Variants in HADHB observed in about 807,000 individuals in gnomAD.
HADHB encodes hydroxyacyl-CoA dehydrogenase trifunctional multienzyme complex subunit beta.
In HADHB, 50 loss-of-function variants were observed where a neutral mutation model predicts 61.9. The observed-to-expected ratio is 0.81, with a 90% CI of 0.64 to 1.02. The LOEUF is 1.02. HADHB is among the 50% of genes least tolerant of loss of function. The pLI is 0.00. For missense variants in HADHB, 504 were observed against 586.5 expected (o/e 0.86, Z 1.45); for synonymous variants, 191 against 201.6 (o/e 0.95, Z 0.45).
intron 4 of HADHB, among the ~76,000 whole-genome samples, chr2:26,267,742 A>G (rs1427650327): frequency 6.7e-6 from 1 of 150,230 alleles, no homozygotes; most frequent in African/African-American, 2.4e-5. Context: ...ACTGCACTCC[A>G]GCCTGGGCAA....
chr2:26,265,758 A>C (rs1362337988), intron 4 of HADHB, among the ~76,000 whole-genome samples: 1 of 152,218 alleles, frequency 6.6e-6, no homozygotes, highest in East Asian at 1.9e-4. Flanking sequence ...ATTGTGTTTT[A>C]GTTTAATTCA....
chr2:26,288,598 A>C (rs975118596), intron 15 of HADHB, among the ~76,000 whole-genome samples: 2 of 150,808 alleles, frequency 1.3e-5, no homozygotes, highest in African/African-American at 4.9e-5. Context: ...AGTCCCAGCT[A>C]CTCGGGAGGC....
At chr2:26,268,867 C>T (rs1004701710) in intron 4 of HADHB, among the ~76,000 whole-genome samples, 8 of 152,120 alleles carry the variant, frequency 5.3e-5, no homozygotes, top group Admixed American at 2.0e-4. Context: ...CAGGGGAAGG[C>T]TGGGCGCGGT....
chr2:26,282,042 C>T (rs1672812012), intron 10 of HADHB, among the ~76,000 whole-genome samples: 1 of 151,684 alleles, frequency 6.6e-6, no homozygotes, highest in Non-Finnish European at 1.5e-5. Context: ...GTTCTAATGT[C>T]CTCAGCTGGT....
In HADHB at chr2:26,266,610, T is replaced by A. The variant is rs1394269900; in HGVS notation, c.209+3131T>A. Among the ~76,000 whole-genome samples, 4 of 152,026 alleles carry A rather than the reference T, an allele frequency of 2.6e-5. No homozygotes were observed. The East Asian group carries it at 7.8e-4, about 30-fold the overall frequency. On this transcript the variant is annotated intron_variant, in intron 4 of 15. Transcript: ENST00000317799. ...TAAATGATAAGTTGGCTGGGCGCAG[T>A]GGCTCACGTCTGTAATCCCAGCACT...
chr2:26,268,172 A>C (rs988182225), intron 4 of HADHB, among the ~76,000 whole-genome samples: 1 of 152,148 alleles, frequency 6.6e-6, no homozygotes, highest in Non-Finnish European at 1.5e-5. Flanking sequence ...GAATGAGAAA[A>C]ATAACCATTA....
intron 4 of HADHB, among the ~76,000 whole-genome samples, chr2:26,268,119 G>A (rs1035220701): frequency 1.3e-5 from 2 of 152,146 alleles, no homozygotes; most frequent in African/African-American, 4.8e-5. Flanking sequence ...TCCAGTCTGA[G>A]TGACAGAGTG....
intron 6 of HADHB, 72 bp from the exon 7 acceptor site, chr2:26,277,001 T>C (rs1055397220): frequency 3.7e-6 from 3 of 803,494 alleles, no homozygotes; most frequent in Non-Finnish European, 6.8e-6. Flanking sequence ...CTATGAAGAT[T>C]AGTGCTCAAA....
At chr2:26,271,325 TG>T (rs1476524319) in intron 5 of HADHB, among the ~76,000 whole-genome samples, 1 of 151,520 alleles carries the variant, frequency 6.6e-6, no homozygotes. Flanking sequence ...CTGACCAACA[TG>T]GAGAAACCCC....
intron 1 of HADHB, among the ~76,000 whole-genome samples, chr2:26,245,920 A>G (rs950663871): frequency 6.6e-6 from 1 of 152,232 alleles, no homozygotes; most frequent in African/African-American, 2.4e-5. Context: ...CCTAGCATTC[A>G]GACATAAGTC....
chr2:26,253,225 AT>A (rs1373776408), intron 1 of HADHB, among the ~76,000 whole-genome samples: 2 of 152,088 alleles, frequency 1.3e-5, no homozygotes, highest in South Asian at 4.1e-4. Flanking sequence ...TATTTTACAT[AT>A]TTTTTAACAT....
chr2:26,275,197 A>G (rs1355298395), intron 6 of HADHB, among the ~76,000 whole-genome samples: 1 of 151,932 alleles, frequency 6.6e-6, no homozygotes, highest in East Asian at 2.0e-4. Context: ...AGAATTTCTT[A>G]GGCCCTATTG....
At position 26,263,394 on chromosome 2, in the gene HADHB, A is replaced by T. The variant is rs1191272205; in HGVS notation, c.124A>T (p.Thr42Ser). 17 of 1,609,276 alleles carry T rather than the reference A, an allele frequency of 1.1e-5. No homozygotes were observed. The South Asian group carries it at 1.8e-4, about 17-fold the overall frequency. The change falls in exon 4 of 16, where the codon ACG becomes TCG. Residue 42 changes from threonine to serine, a missense_variant. Coordinates refer to ENST00000317799, the MANE Select transcript of HADHB (RefSeq NM_000183.3). Reference sequence around the variant, plus strand: ...TTATCTTAAAGCTGTCCAGACCAAAACGAAGAAGACGTTAGCCAAACCCAA... The same window carrying T: ...TTATCTTAAAGCTGTCCAGACCAAATCGAAGAAGACGTTAGCCAAACCCAA... ...LRAAPAVQTK[T>S]KKTLAKPNIR... is the part of the protein sequence containing the mutation.
chr2:26,277,903 G>A (rs1672615474), intron 7 of HADHB, among the ~76,000 whole-genome samples: 1 of 152,222 alleles, frequency 6.6e-6, no homozygotes, highest in South Asian at 2.1e-4. Flanking sequence ...AGATGGCACA[G>A]CTCTTTCCTT....
intron 5 of HADHB, among the ~76,000 whole-genome samples, chr2:26,270,415 T>C (rs1015121513): frequency 6.6e-6 from 1 of 152,244 alleles, no homozygotes; most frequent in African/African-American, 2.4e-5. Flanking sequence ...AATCATTAAA[T>C]GTGTTGCTGT....
intron 15 of HADHB, among the ~76,000 whole-genome samples, chr2:26,286,400 G>A (rs899977584): frequency 1.3e-5 from 2 of 152,152 alleles, no homozygotes; most frequent in South Asian, 4.1e-4. Flanking sequence ...ATTGTTGACA[G>A]ATTTTTTCCT....
At chr2:26,260,613 T>A (rs544561124) in intron 3 of HADHB, 1 of 191,428 alleles carries the variant, frequency 5.2e-6, no homozygotes, top group Non-Finnish European at 1.1e-5. Context: ...CCTCTCAAGT[T>A]ACTGTTTGTC....
intron 1 of HADHB, among the ~76,000 whole-genome samples, chr2:26,253,682 T>C (rs1259391810): frequency 6.6e-6 from 1 of 151,860 alleles, no homozygotes; most frequent in Non-Finnish European, 1.5e-5. Flanking sequence ...CAAAACCCCA[T>C]GTCTACTAAA....
Position 26,263,497 on chromosome 2 carries a change from A to C in HADHB, c.209+18A>C, listed in dbSNP as rs1329023060. ...GGCACTTCGTAAGTATGACATGATC[A>C]TATTATTTTTTTCCTTCTTTTAAGA... On this transcript the variant is annotated intron_variant, in intron 4 of 15. Coordinates refer to ENST00000317799, the MANE Select transcript of HADHB (RefSeq NM_000183.3). 6.9e-7 allele frequency: 1 copy of C among 1,459,278 alleles called. No homozygotes were observed. Among genetic ancestry groups the C allele is most frequent in the Non-Finnish European group, 9.6e-7 (1 of 1,038,654 alleles). 90.4% of individuals were successfully genotyped at this position (1,459,278 alleles called of 1,614,324 possible). A position where few individuals can be genotyped will look rare whatever the true frequency, so the allele number is the denominator to read the frequency against.
Sources: gnomAD v4.1 joint callset for allele counts (sites outside exome capture counted in the v4.1 genomes callset) on GRCh38, gnomAD v4.1.1 for gene constraint, MANE v1.5 for transcripts, NCBI Gene and HGNC (gene_info 2026-07-23, HGNC 2026-07-21) for gene names.